The following GIMAP8 variants were observed in gnomAD, a reference collection of about 807,000 sequenced individuals.
GIMAP8 encodes the protein GTPase, IMAP family member 8, also known as GTPase IMAP family member 8.
GIMAP8 carries 29 observed loss-of-function variants against 35.6 expected under a neutral mutation model. The observed-to-expected ratio is 0.81, with a 90% CI of 0.61 to 1.11. The LOEUF (loss-of-function observed/expected upper bound fraction) is 1.11, where lower values mean the gene tolerates loss of function less well. Among genes scored for constraint, GIMAP8 ranks in the 50% most tolerant of loss-of-function variants. The pLI, the probability that GIMAP8 is intolerant of heterozygous loss-of-function variation, is 0.00. For synonymous variants in GIMAP8, 335 were observed against 308.7 expected (o/e 1.09, Z -0.89); for missense variants, 811 against 805.0 (o/e 1.01, Z -0.09).
At position 150,477,564 on chromosome 7, in the gene GIMAP8, T is replaced by C. The variant is rs146671648; in HGVS notation, c.1782T>C (p.Cys594=). 228 of 1,614,028 alleles carry C rather than the reference T, an allele frequency of 1.4e-4. No homozygotes were observed. The highest frequency in any genetic ancestry group is 1.9e-4 in the Non-Finnish European group (221 of 1,180,024). Residue 594 remains cysteine, a synonymous_variant, in exon 5 of 5, where the codon TGT becomes TGC. Transcript: ENST00000307271. ...NKALRRIFKK[C]GRRVCAFNNK... is the part of the protein sequence containing the mutation. ...CCCTTCGGCGCATTTTTAAAAAGTG[T>C]GGGCGGCGAGTTTGTGCTTTTAACA... is the stretch of plus-strand genomic sequence containing the variant.
intron 1 of GIMAP8, among the ~76,000 whole-genome samples, chr7:150,461,218 A>G (rs1417811161): frequency 2.0e-5 from 3 of 152,250 alleles, no homozygotes; most frequent in Non-Finnish European, 2.9e-5. Flanking sequence ...GTTGGAGGAA[A>G]TGTTCTGTAA....
chr7:150,456,306 G>A (rs1277208664), intron 1 of GIMAP8, among the ~76,000 whole-genome samples: 1 of 152,194 alleles, frequency 6.6e-6, no homozygotes, highest in Non-Finnish European at 1.5e-5. Context: ...TTTCTGGGCA[G>A]CAATATGGTC....
At chr7:150,473,960 A>G in intron 3 of GIMAP8, 52 bp from the exon 4 acceptor site, 3 of 1,547,934 alleles carry the variant, frequency 1.9e-6, no homozygotes, top group Non-Finnish European at 2.6e-6. Flanking sequence ...ACCTGCCCAC[A>G]TCCATATTCA....
At chr7:150,464,826 C>A (rs1801918690) in intron 1 of GIMAP8, among the ~76,000 whole-genome samples, 1 of 152,148 alleles carries the variant, frequency 6.6e-6, no homozygotes, top group African/African-American at 2.4e-5. Flanking sequence ...TTAGAATAAA[C>A]ACTAAACTTC....
In GIMAP8 at chr7:150,477,834, AGGGGC is replaced by A; in HGVS notation, c.*60_*64del. ...TTAGAGACACCCTCAGGTTGGGGGGAGGGGCGGGGCATGGTACAACCTGTGGGAAG... is the reference window on the plus strand; with the variant it reads ...TTAGAGACACCCTCAGGTTGGGGGGAGGGGCATGGTACAACCTGTGGGAAG... On this transcript the variant is annotated 3_prime_UTR_variant, in exon 5 of 5. Transcript: ENST00000307271. 7.0e-7 allele frequency: 1 copy of A among 1,436,068 alleles called. No individual in the cohort carries two copies. The allele number at this position is 1,436,068 out of a possible 1,614,324, so 89.0% of individuals were successfully genotyped here. A position where few individuals can be genotyped will look rare whatever the true frequency, so the allele number is the denominator to read the frequency against.
chr7:150,451,363 G>T lies in GIMAP8; in HGVS notation c.-29+188G>T, dbSNP rs1404756971. Among the ~76,000 whole-genome samples the T allele has an allele frequency of 6.6e-6, 1 of 152,214 alleles. No homozygotes were observed. Among genetic ancestry groups the T allele is most frequent in the African/African-American group, 2.4e-5 (1 of 41,468 alleles). ...CCGGGAAGGCAGCCTGCTCAGCCAT[G>T]GGAGAGGAGGCTGGGTTGAATGGCA... On this transcript the variant is annotated intron_variant, in intron 1 of 4. Transcript: ENST00000307271. This position sits in a 1 kb window ranked among gnomAD's most constrained non-coding sequence, Gnocchi z 4.1.
At chr7:150,459,176 G>T (rs1240344820) in intron 1 of GIMAP8, among the ~76,000 whole-genome samples, 2 of 152,192 alleles carry the variant, frequency 1.3e-5, no homozygotes, top group Non-Finnish European at 2.9e-5. Context: ...ACTAAGAGAT[G>T]CCCTAAGGGA....
Position 150,451,102 on chromosome 7 carries a change from G to A in GIMAP8, c.-102G>A, listed in dbSNP as rs944622213. On this transcript the variant is annotated 5_prime_UTR_variant, in exon 1 of 5. Coordinates refer to ENST00000307271, the MANE Select transcript of GIMAP8 (RefSeq NM_175571.4). The surrounding 1 kb of genome is among the most constrained non-coding windows in gnomAD (Gnocchi z 4.1). ...GGGCCTGGGAAGAGGGTCGCTCTCCGGCCATTCTCCCCTCACCCTCCTCAC... is the reference window on the plus strand; with the variant it reads ...GGGCCTGGGAAGAGGGTCGCTCTCCAGCCATTCTCCCCTCACCCTCCTCAC... The A allele has an allele frequency of 2.6e-5, 4 of 152,310 alleles. No individual in the cohort carries two copies. Among genetic ancestry groups the A allele is most frequent in the East Asian group, 1.9e-4 (1 of 5,196 alleles). The allele number at this position is 152,310 out of a possible 1,614,324, so 9.4% of individuals were successfully genotyped here.
At chr7:150,452,616 TG>T (rs1334943671) in intron 1 of GIMAP8, among the ~76,000 whole-genome samples, 14 of 145,970 alleles carry the variant, frequency 9.6e-5, no homozygotes, top group Admixed American at 2.8e-4. Context: ...TATGTATATA[TG>T]TATATATGTG....
rs1802272129 is a variant in GIMAP8, at chr7:150,477,715, A to T, written c.1933A>T (p.Lys645Ter). 1 of 1,614,020 alleles carries T rather than the reference A, an allele frequency of 6.2e-7. No individual in the cohort carries two copies. The change falls in exon 5 of 5, where the codon AAA becomes TAA. Residue 645 changes from lysine (K) to a stop codon, truncating the protein, a stop_gained. Transcript: ENST00000307271. LOFTEE classifies it low-confidence loss of function (END_TRUNC). ...HTQENVSKLI[K>*]NVQEMSQAEK... ...ACAGGAGAACGTCAGCAAACTAATT[A>T]AAAATGTCCAGGAAATGTCCCAAGC...
chr7:150,466,940 G>A lies in GIMAP8; in HGVS notation c.242G>A (p.Arg81His), dbSNP rs772996358. 45 of 1,614,078 alleles carry A rather than the reference G, an allele frequency of 2.8e-5. No homozygotes were observed. Among genetic ancestry groups the A allele is most frequent in the South Asian group, 8.8e-5 (8 of 91,086 alleles). The change falls in exon 2 of 5, where the codon CGC becomes CAC. Residue 81 changes from arginine (R) to histidine (H), a missense_variant. Physicochemically the swap from Arg to His is conservative, Grantham distance 29. Coordinates refer to ENST00000307271, the MANE Select transcript of GIMAP8 (RefSeq NM_175571.4). Reference protein sequence around the residue: ...SSIACAEDKQRNIQHCLELSA... With the variant: ...SSIACAEDKQHNIQHCLELSA... ...ATAGCTTGTGCTGAAGACAAGCAAC[G>A]CAACATCCAACACTGCTTGGAGCTC...
chr7:150,451,344 AG>A lies in GIMAP8; in HGVS notation c.-29+171del, dbSNP rs1801602883. On this transcript the variant is annotated intron_variant, in intron 1 of 4. Coordinates refer to ENST00000307271, the MANE Select transcript of GIMAP8 (RefSeq NM_175571.4). This position sits in a 1 kb window ranked among gnomAD's most constrained non-coding sequence, Gnocchi z 4.1. ...GGGGAGGATGGGCTTGGCACCGGGAAGGCAGCCTGCTCAGCCATGGGAGAGG... is the reference window on the plus strand; with the variant it reads ...GGGGAGGATGGGCTTGGCACCGGGAAGCAGCCTGCTCAGCCATGGGAGAGG... Among the ~76,000 whole-genome samples, 1 of 152,160 alleles carries A rather than the reference AG, an allele frequency of 6.6e-6. No individual in the cohort carries two copies. The highest frequency in any genetic ancestry group is 1.5e-5 in the Non-Finnish European group (1 of 68,026).
rs749652932 is a variant in GIMAP8 at position 150,477,308 on chromosome 7, G to A, written c.1526G>A (p.Arg509Gln). ...CTGGATGTCGAAAAGGACCCATCCC[G>A]GTTAGAAGAGGAGGTCAAGCGCTGT... ...QMLDVEKDPS[R>Q]LEEEVKRCLS... Residue 509 changes from arginine to glutamine, a missense_variant, in exon 5 of 5, where the codon CGG (arginine) becomes CAG (glutamine). By Grantham distance (43) the Arg-to-Gln change is conservative. Transcript: ENST00000307271. 1.3e-5 allele frequency: 21 copies of A among 1,614,114 alleles called. No individual in the cohort carries two copies. Among genetic ancestry groups the A allele is most frequent in the South Asian group, 2.2e-5 (2 of 91,076 alleles).
In GIMAP8 at chr7:150,472,211, G is replaced by A. The variant is rs1802109490; in HGVS notation, c.682+1337G>A. ...GGGAAGGACTTTTTATAGGATGTGG[G>A]CTCATGTTAGGTGATTCTGAGGAAG... On this transcript the variant is annotated intron_variant, in intron 3 of 4. Coordinates refer to ENST00000307271, the MANE Select transcript of GIMAP8 (RefSeq NM_175571.4). The surrounding 1 kb of genome is among the most constrained non-coding windows in gnomAD (Gnocchi z 4.1). 2.0e-5 allele frequency among the ~76,000 whole-genome samples: 3 copies of A among 152,286 alleles called. No homozygotes were observed. Among genetic ancestry groups the A allele is most frequent in the Middle Eastern group, 6.8e-3 (2 of 294 alleles).
intron 2 of GIMAP8, 64 bp downstream of exon 2, chr7:150,467,398 T>C (rs527724948): frequency 2.3e-6 from 3 of 1,291,758 alleles, no homozygotes; most frequent in South Asian, 2.7e-5. Context: ...TGAAAGTGGG[T>C]ATAAATAAAT....
chr7:150,476,163 G>A (rs1397261399), intron 4 of GIMAP8, among the ~76,000 whole-genome samples: 1 of 152,188 alleles, frequency 6.6e-6, no homozygotes, highest in Admixed American at 6.5e-5. Flanking sequence ...TGAAGTTTCA[G>A]CATAAACAGG....
chr7:150,456,684 A>G (rs1448624815), intron 1 of GIMAP8, among the ~76,000 whole-genome samples: 1 of 152,254 alleles, frequency 6.6e-6, no homozygotes, highest in African/African-American at 2.4e-5. Context: ...TGTCTACAAC[A>G]GAAAGTACTT....
intron 1 of GIMAP8, among the ~76,000 whole-genome samples, chr7:150,459,774 T>C (rs1300287099): frequency 6.6e-6 from 1 of 152,138 alleles, no homozygotes; most frequent in Non-Finnish European, 1.5e-5. Context: ...GTGAAGTGAG[T>C]TCCTTGGAGT....
chr7:150,470,144 T>G (rs981537357), intron 2 of GIMAP8, among the ~76,000 whole-genome samples: 1 of 152,166 alleles, frequency 6.6e-6, no homozygotes, highest in Non-Finnish European at 1.5e-5. Flanking sequence ...AACTGGGCTA[T>G]GTAAGGTTAA....
Sources: gnomAD v4.1 joint callset for allele counts (sites outside exome capture counted in the v4.1 genomes callset) on GRCh38, gnomAD v4.1.1 for gene constraint, Gnocchi (gnomAD v3.1) non-coding constraint, MANE v1.5 for transcripts, NCBI Gene and HGNC (gene_info 2026-07-23, HGNC 2026-07-21) for gene names.